Variants in ZRANB3 observed in about 807,000 individuals in gnomAD.
ZRANB3 encodes the protein zinc finger RANBP2-type containing 3.
Under a neutral mutation model 133.8 loss-of-function variants are expected in ZRANB3, and 125 were observed. That is an observed-to-expected ratio of 0.93 (90% CI 0.81 to 1.08). The LOEUF (loss-of-function observed/expected upper bound fraction) is 1.08, where lower values mean the gene tolerates loss of function less well. ZRANB3 is among the 50% of genes least tolerant of loss of function. The pLI is 0.00. For missense variants in ZRANB3, 1,229 were observed against 1,275.5 expected (o/e 0.96, Z 0.56); for synonymous variants, 387 against 432.7 (o/e 0.89, Z 1.31).
chr2:135,279,695 G>C (rs1681007208), intron 8 of ZRANB3, among the ~76,000 whole-genome samples: 1 of 152,098 alleles, frequency 6.6e-6, no homozygotes, highest in African/African-American at 2.4e-5. Flanking sequence ...ATCACAACCA[G>C]AGATGCCAAT....
intron 2 of ZRANB3, among the ~76,000 whole-genome samples, chr2:135,451,882 G>C (rs1005556877): frequency 6.6e-6 from 1 of 152,132 alleles, no homozygotes; most frequent in African/African-American, 2.4e-5. Context: ...GTCTGAAAAA[G>C]ATAAAAATAC....
intron 17 of ZRANB3, among the ~76,000 whole-genome samples, chr2:135,210,733 A>G (rs1209153482): frequency 6.6e-6 from 1 of 152,102 alleles, no homozygotes; most frequent in Non-Finnish European, 1.5e-5. Context: ...CAGGAGTTCG[A>G]GACCAGCCTG....
chr2:135,223,137 A>T (rs1694618832), intron 15 of ZRANB3, among the ~76,000 whole-genome samples: 1 of 151,568 alleles, frequency 6.6e-6, no homozygotes, highest in African/African-American at 2.4e-5. Context: ...CTGTAGTCCC[A>T]GCTACCTGGA....
intron 2 of ZRANB3, among the ~76,000 whole-genome samples, chr2:135,412,124 T>G (rs940426362): frequency 2.6e-5 from 4 of 152,154 alleles, no homozygotes; most frequent in African/African-American, 9.7e-5. Context: ...TGAAAAAAAT[T>G]TTTGATATAT....
chr2:135,360,653 G>C (rs528004176), intron 3 of ZRANB3, among the ~76,000 whole-genome samples: 1 of 152,050 alleles, frequency 6.6e-6, no homozygotes, highest in Admixed American at 6.6e-5. Flanking sequence ...TGCAGTGAGC[G>C]GAGATTGTGC....
intron 8 of ZRANB3, among the ~76,000 whole-genome samples, chr2:135,292,347 T>C (rs1169707290): frequency 6.6e-6 from 1 of 152,218 alleles, no homozygotes; most frequent in African/African-American, 2.4e-5. Flanking sequence ...TGATGGCCAG[T>C]GATGATGAGC....
chr2:135,356,131 C>T (rs1685422550), intron 3 of ZRANB3, among the ~76,000 whole-genome samples: 1 of 150,504 alleles, frequency 6.6e-6, no homozygotes, highest in Admixed American at 6.6e-5. Flanking sequence ...CAATAGGATA[C>T]GTAGAATTGG....
rs919495139 is a variant in ZRANB3, at chr2:135,422,352, A to C, written c.162-31532T>G. Reference sequence around the variant, plus strand: ...ATGAATGATATATCTTGCCAAATCAAATGGTCATTTCTCAGTCCTCATTTT... The same window carrying C: ...ATGAATGATATATCTTGCCAAATCACATGGTCATTTCTCAGTCCTCATTTT... On this transcript the variant is annotated intron_variant, in intron 2 of 20. Coordinates refer to ENST00000264159, the MANE Select transcript of ZRANB3 (RefSeq NM_032143.4). Among the ~76,000 whole-genome samples the C allele has an allele frequency of 3.3e-5, 5 of 152,238 alleles. No homozygotes were observed. In the South Asian group the frequency reaches 1.0e-3, roughly 32 times the overall value.
chr2:135,405,237 T>A (rs1281585423), intron 2 of ZRANB3, among the ~76,000 whole-genome samples: 1 of 152,160 alleles, frequency 6.6e-6, no homozygotes, highest in Non-Finnish European at 1.5e-5. Flanking sequence ...CGTTACATAA[T>A]GGTAAAGGGA....
At chr2:135,372,222 C>T (rs977527364) in intron 3 of ZRANB3, among the ~76,000 whole-genome samples, 5 of 151,758 alleles carry the variant, frequency 3.3e-5, no homozygotes, top group Non-Finnish European at 5.9e-5. Context: ...AGCAATCTCA[C>T]CCCTTCTGCC....
intron 2 of ZRANB3, among the ~76,000 whole-genome samples, chr2:135,396,103 A>T (rs1687476214): frequency 6.6e-6 from 1 of 152,228 alleles, no homozygotes. Flanking sequence ...GAGAAATGCA[A>T]ATCAAAACTA....
At chr2:135,300,044 A>C (rs1371877337) in intron 8 of ZRANB3, among the ~76,000 whole-genome samples, 1 of 152,206 alleles carries the variant, frequency 6.6e-6, no homozygotes, top group Non-Finnish European at 1.5e-5. Context: ...GGAAGAGGAA[A>C]GATGACTCAA....
intron 3 of ZRANB3, among the ~76,000 whole-genome samples, chr2:135,388,145 C>T (rs1358398820): frequency 6.6e-6 from 1 of 152,120 alleles, no homozygotes; most frequent in Non-Finnish European, 1.5e-5. Flanking sequence ...CTGCAGCATG[C>T]AAGAGAGCGT....
chr2:135,287,449 C>G (rs948486888), intron 8 of ZRANB3, among the ~76,000 whole-genome samples: 2 of 152,068 alleles, frequency 1.3e-5, no homozygotes, highest in Non-Finnish European at 2.9e-5. Flanking sequence ...TTTTCTACTT[C>G]TGTGAAGAAT....
chr2:135,465,701 C>T (rs1004638645), intron 2 of ZRANB3, among the ~76,000 whole-genome samples: 8 of 152,174 alleles, frequency 5.3e-5, no homozygotes, highest in East Asian at 3.9e-4. Context: ...TTCTGCACAG[C>T]GAAAGAAACT....
At chr2:135,406,111 T>C (rs950043366) in intron 2 of ZRANB3, among the ~76,000 whole-genome samples, 1 of 151,924 alleles carries the variant, frequency 6.6e-6, no homozygotes, top group Non-Finnish European at 1.5e-5. Context: ...AAGAATCAAA[T>C]AGACGCAATA....
intron 3 of ZRANB3, among the ~76,000 whole-genome samples, chr2:135,363,054 T>C (rs1464016971): frequency 6.6e-6 from 1 of 152,198 alleles, no homozygotes; most frequent in Non-Finnish European, 1.5e-5. Context: ...CTCTACAACG[T>C]AGTAGCAGTC....
intron 2 of ZRANB3, among the ~76,000 whole-genome samples, chr2:135,445,359 G>A (rs541043283): frequency 1.2e-4 from 18 of 151,730 alleles, no homozygotes; most frequent in East Asian, 9.8e-4. Context: ...CAGGAGAATC[G>A]CTTGAACTCG....
intron 12 of ZRANB3, among the ~76,000 whole-genome samples, chr2:135,236,998 CA>C (rs1338563922): frequency 6.6e-6 from 1 of 152,008 alleles, no homozygotes; most frequent in East Asian, 1.9e-4. Flanking sequence ...TCAGAGTGAA[CA>C]GGCAACCTAC....
Sources: allele counts gnomAD v4.1 joint callset (sites outside exome capture counted in the v4.1 genomes callset), GRCh38; gene constraint gnomAD v4.1.1; transcripts MANE v1.5; gene names NCBI Gene and HGNC (gene_info 2026-07-23, HGNC 2026-07-21).